The following CSMD3 variants were observed in gnomAD, a reference collection of about 807,000 sequenced individuals.
CSMD3 encodes CUB and Sushi multiple domains 3, also known as CUB and sushi domain-containing protein 3.
Under a neutral mutation model 435.2 loss-of-function variants are expected in CSMD3, and 177 were observed. That is an observed-to-expected ratio of 0.41 (90% CI 0.36 to 0.46). The LOEUF is 0.46. CSMD3 is among the 20% of genes least tolerant of loss of function. The probability of loss-of-function intolerance (pLI) is 0.34; values close to 1 mark genes in which losing one functional copy is unlikely to be tolerated. For synonymous variants in CSMD3, 1,656 were observed against 1,520.5 expected (o/e 1.09, Z -2.07); for missense variants, 4,265 against 4,504.6 (o/e 0.95, Z 1.52).
intron 13 of CSMD3, among the ~76,000 whole-genome samples, chr8:112,744,435 A>G (rs1281394673): frequency 6.6e-6 from 1 of 152,120 alleles, no homozygotes; most frequent in Non-Finnish European, 1.5e-5. Flanking sequence ...GGAAAAACAT[A>G]GGAAGACTTT....
chr8:112,425,531 T>G (rs1812976947), intron 32 of CSMD3, among the ~76,000 whole-genome samples: 1 of 152,192 alleles, frequency 6.6e-6, no homozygotes, highest in Non-Finnish European at 1.5e-5. Context: ...GGTATTCTTA[T>G]GCATATTTTG....
At position 112,281,223 on chromosome 8, in the gene CSMD3, T is replaced by C. The variant is rs377380454; in HGVS notation, c.9459A>G (p.Arg3153=). The C allele has an allele frequency of 2.2e-5, 36 of 1,613,378 alleles. No individual in the cohort carries two copies. The highest frequency in any genetic ancestry group is 2.7e-5 in the Non-Finnish European group (32 of 1,179,528). ...EGYILSGPSV[R]QCTANGTWSG... ...ACCATGTTCCATTGGCTGTGCACTGTCTAACTGAAGGTCCAGAAAGGATGT... is the reference window on the plus strand; with the variant it reads ...ACCATGTTCCATTGGCTGTGCACTGCCTAACTGAAGGTCCAGAAAGGATGT... The change falls in exon 59 of 71, where the codon AGA becomes AGG. Residue 3153 remains arginine, a synonymous_variant. Coordinates refer to ENST00000297405, the MANE Select transcript of CSMD3 (RefSeq NM_198123.2).
chr8:113,418,050 T>C (rs894793903), intron 1 of CSMD3, among the ~76,000 whole-genome samples: 4 of 152,146 alleles, frequency 2.6e-5, no homozygotes, highest in East Asian at 1.9e-4. Context: ...CAACATTTAT[T>C]AAGTTTCTAC....
At chr8:113,003,136 T>C (rs2085927502) in intron 6 of CSMD3, among the ~76,000 whole-genome samples, 1 of 152,008 alleles carries the variant, frequency 6.6e-6, no homozygotes, top group Non-Finnish European at 1.5e-5. Flanking sequence ...TTCCAGCTAC[T>C]TGGGAGGCTG....
At chr8:113,229,690 CT>C (rs1365893337) in intron 3 of CSMD3, among the ~76,000 whole-genome samples, 1 of 151,602 alleles carries the variant, frequency 6.6e-6, no homozygotes, top group African/African-American at 2.4e-5. Context: ...ATAGATTTCC[CT>C]CTCTAAAACC....
intron 7 of CSMD3, among the ~76,000 whole-genome samples, chr8:112,964,172 A>G (rs979548490): frequency 5.9e-5 from 9 of 151,920 alleles, no homozygotes; most frequent in Admixed American, 3.3e-4. Flanking sequence ...AAGGTTATCT[A>G]TATGTTAATA....
chr8:112,269,355 C>A (rs1767762591), intron 59 of CSMD3, among the ~76,000 whole-genome samples: 1 of 152,148 alleles, frequency 6.6e-6, no homozygotes, highest in African/African-American at 2.4e-5. Context: ...ATCACCTGGA[C>A]CTGATTAAAG....
Position 112,408,939 on chromosome 8 carries a change from G to C in CSMD3, c.5489C>G (p.Ser1830Cys), listed in dbSNP as rs2130076157. The C allele has an allele frequency of 1.9e-6, 3 of 1,613,526 alleles. No individual in the cohort carries two copies. The highest frequency in any genetic ancestry group is 2.5e-6 in the Non-Finnish European group (3 of 1,179,622). The change falls in exon 33 of 71, where the codon TCC (serine) becomes TGC (cysteine). Residue 1830 changes from serine (S) to cysteine (C), a missense_variant. This residue lies in a region of CSMD3 where 3,255 missense variants were observed against 3,380.2 expected (regional missense o/e 0.96). Coordinates refer to ENST00000297405, the MANE Select transcript of CSMD3 (RefSeq NM_198123.2). ...GATACCTGAATGGGATCCTGAGAGG[G>C]AAGATAACAGAGAAGATTGCTGAGT... Reference protein sequence around the residue: ...GPTQQSSLLSSLSGSHSGESL... With the variant: ...GPTQQSSLLSCLSGSHSGESL...
intron 24 of CSMD3, among the ~76,000 whole-genome samples, chr8:112,558,084 T>C (rs1563701027): frequency 6.6e-6 from 1 of 151,876 alleles, no homozygotes; most frequent in Non-Finnish European, 1.5e-5. Context: ...TATGGCACTT[T>C]GGCATGCTGA....
At chr8:112,496,257 C>T (rs1259568333) in intron 30 of CSMD3, among the ~76,000 whole-genome samples, 53 of 152,102 alleles carry the variant, frequency 3.5e-4, no homozygotes, top group Admixed American at 3.5e-3. Flanking sequence ...GCGTGAGCTA[C>T]CACGTCCAGC....
At chr8:112,469,160 CAAAA>C (rs71309771) in intron 32 of CSMD3, among the ~76,000 whole-genome samples, 5 of 91,638 alleles carry the variant, frequency 5.5e-5, no homozygotes, top group Admixed American at 2.3e-4. Flanking sequence ...CTACACCAGG[CAAAA>C]AAAAAAAAAA....
intron 13 of CSMD3, among the ~76,000 whole-genome samples, chr8:112,757,997 A>C (rs928061176): frequency 7.2e-5 from 11 of 152,074 alleles, no homozygotes; most frequent in Non-Finnish European, 8.8e-5. Flanking sequence ...TCCAGGCTGC[A>C]GTGAGCCGTG....
intron 12 of CSMD3, among the ~76,000 whole-genome samples, chr8:112,813,307 T>C (rs1038259693): frequency 6.6e-6 from 1 of 152,192 alleles, no homozygotes; most frequent in Non-Finnish European, 1.5e-5. Flanking sequence ...TGGGGCAATA[T>C]GTTACCAGAG....
At chr8:113,281,745 T>G (rs1318573338) in intron 2 of CSMD3, among the ~76,000 whole-genome samples, 1 of 151,952 alleles carries the variant, frequency 6.6e-6, no homozygotes, top group Admixed American at 6.6e-5. Flanking sequence ...TTTTGGTTTT[T>G]AACTTGCATT....
At chr8:112,844,737 C>A (rs768083257) in intron 11 of CSMD3, among the ~76,000 whole-genome samples, 8 of 151,784 alleles carry the variant, frequency 5.3e-5, no homozygotes, top group African/African-American at 1.9e-4. Flanking sequence ...TCTGTTAATG[C>A]GTTTTCTGTC....
intron 31 of CSMD3, among the ~76,000 whole-genome samples, chr8:112,483,846 T>C (rs1490226737): frequency 6.6e-6 from 1 of 152,206 alleles, no homozygotes; most frequent in African/African-American, 2.4e-5. Context: ...TTGAGCACTG[T>C]CACTCTCTAG....
intron 10 of CSMD3, among the ~76,000 whole-genome samples, chr8:112,873,115 A>G (rs1012470742): frequency 9.9e-5 from 15 of 152,082 alleles, no homozygotes; most frequent in African/African-American, 3.6e-4. Context: ...CAAATTTACA[A>G]ACTGTTTTTT....
chr8:112,409,556 A>G (rs1038313128), intron 32 of CSMD3, among the ~76,000 whole-genome samples: 3 of 151,994 alleles, frequency 2.0e-5, no homozygotes, highest in Non-Finnish European at 2.9e-5. Flanking sequence ...TGTTTAATTT[A>G]TATTCTAAGT....
intron 6 of CSMD3, among the ~76,000 whole-genome samples, chr8:112,987,635 T>A (rs1304331666): frequency 6.6e-6 from 1 of 152,140 alleles, no homozygotes; most frequent in African/African-American, 2.4e-5. Flanking sequence ...AAAATGATCT[T>A]AACTTCTGTG....
Sources: gnomAD v4.1 joint callset for allele counts (sites outside exome capture counted in the v4.1 genomes callset) on GRCh38, gnomAD v4.1.1 for gene constraint, gnomAD v4.1.1 regional missense constraint, MANE v1.5 for transcripts, NCBI Gene and HGNC (gene_info 2026-07-23, HGNC 2026-07-21) for gene names.